Variants in ZNF738 observed in about 807,000 individuals in gnomAD.
The protein encoded by ZNF738 is zinc finger protein 738, also known as protein ZNF738.
Under a neutral mutation model 9.2 loss-of-function variants are expected in ZNF738, and 10 were observed. That is an observed-to-expected ratio of 1.09 (90% CI 0.67 to 1.85). The LOEUF (loss-of-function observed/expected upper bound fraction) is 1.85, where lower values mean the gene tolerates loss of function less well. Ranked by LOEUF, ZNF738 falls within the 40% of genes most tolerant of loss-of-function variation. The probability of loss-of-function intolerance (pLI) is 0.00; values close to 1 mark genes in which losing one functional copy is unlikely to be tolerated. For synonymous variants in ZNF738, 113 were observed against 94.5 expected (o/e 1.20, Z -1.14); for missense variants, 346 against 283.6 (o/e 1.22, Z -1.58).
intron 2 of ZNF738, among the ~76,000 whole-genome samples, chr19:21,368,241 C>T (rs757876612): frequency 2.0e-5 from 3 of 152,186 alleles, no homozygotes; most frequent in Non-Finnish European, 4.4e-5. Context: ...TCCTCTTTGT[C>T]CTTTTATCCT....
At chr19:21,374,424 T>G (rs1486258974) in intron 2 of ZNF738, among the ~76,000 whole-genome samples, 6 of 152,270 alleles carry the variant, frequency 3.9e-5, no homozygotes, top group Non-Finnish European at 8.8e-5. Flanking sequence ...ATCTCAGTAA[T>G]GATGCTGTGT....
intron 4 of ZNF738, chr19:21,381,933 C>A: frequency 4.3e-6 from 1 of 234,662 alleles, no homozygotes; most frequent in Admixed American, 5.7e-5. Flanking sequence ...TTCACCATCC[C>A]AATGCCCCAG....
chr19:21,363,949 C>T (rs1005093015), intron 2 of ZNF738, among the ~76,000 whole-genome samples: 31 of 150,594 alleles, frequency 2.1e-4, no homozygotes, highest in African/African-American at 6.8e-4. Context: ...GTAATCCCAG[C>T]ACTTTGTGAG....
At chr19:21,363,219 G>A (rs1973722995) in intron 2 of ZNF738, among the ~76,000 whole-genome samples, 1 of 152,106 alleles carries the variant, frequency 6.6e-6, no homozygotes. Flanking sequence ...TCCCTTATAG[G>A]AATACTGTGT....
intron 1 of ZNF738, among the ~76,000 whole-genome samples, chr19:21,361,327 A>G (rs1195864447): frequency 6.8e-6 from 1 of 147,162 alleles, no homozygotes; most frequent in Non-Finnish European, 1.5e-5. Flanking sequence ...TTTAGTAGAG[A>G]CAGGGTTTCT....
Position 21,383,113 on chromosome 19 carries a change from A to C in ZNF738, c.567A>C (p.Leu189Phe), listed in dbSNP as rs1974025352. 8 of 1,529,120 alleles carry C rather than the reference A, an allele frequency of 5.2e-6. No homozygotes were observed. The highest frequency in any genetic ancestry group is 6.3e-6 in the Non-Finnish European group (7 of 1,107,780). 94.7% of individuals were successfully genotyped at this position (1,529,120 alleles called of 1,614,324 possible). A position where few individuals can be genotyped will look rare whatever the true frequency, so the allele number is the denominator to read the frequency against. The change falls in exon 5 of 5, where the codon TTA (leucine) becomes TTC (phenylalanine). Residue 189 changes from leucine to phenylalanine, a missense_variant. Coordinates refer to ENST00000683779, the MANE Select transcript of ZNF738 (RefSeq NM_001355237.2). Reference protein sequence around the residue: ...DKYVKVFHKFLNSNTHKTRHT... With the variant: ...DKYVKVFHKFFNSNTHKTRHT... ...ATGTGAAAGTCTTTCATAAATTTTTAAATTCAAATACACATAAGACAAGAC... is the reference window on the plus strand; with the variant it reads ...ATGTGAAAGTCTTTCATAAATTTTTCAATTCAAATACACATAAGACAAGAC...
intron 4 of ZNF738, among the ~76,000 whole-genome samples, chr19:21,382,450 G>A (rs969852920): frequency 6.6e-6 from 1 of 151,916 alleles, no homozygotes; most frequent in Non-Finnish European, 1.5e-5. Flanking sequence ...TGTTGGCCAG[G>A]ATGGTCTCAA....
At chr19:21,378,968 T>C (rs1973973724) in intron 4 of ZNF738, 1 of 152,272 alleles carries the variant, frequency 6.6e-6, no homozygotes, top group African/African-American at 2.4e-5. Context: ...TGCTTACATA[T>C]GTGTTTGATA....
rs959765813 is a variant in ZNF738, at chr19:21,361,690, A to T, written c.4-76A>T. 3 of 751,648 alleles carry T rather than the reference A, an allele frequency of 4.0e-6. No homozygotes were observed. The African/African-American group carries it at 5.1e-5, about 13-fold the overall frequency. 46.6% of individuals were successfully genotyped at this position (751,648 alleles called of 1,614,324 possible). On this transcript the variant is annotated intron_variant, in intron 1 of 4. Transcript: ENST00000683779. ...TGGGTTTCAGTATTATCTGGGGATA[A>T]ACCGAGATATCTGCCATGGTTATGT...
intron 2 of ZNF738, chr19:21,371,914 T>C (rs1407781773): frequency 1.3e-5 from 2 of 152,192 alleles, no homozygotes; most frequent in African/African-American, 4.8e-5. Context: ...AATAGATTAG[T>C]GTTACATAAA....
intron 2 of ZNF738, among the ~76,000 whole-genome samples, chr19:21,371,243 G>C (rs1373579374): frequency 5.9e-5 from 9 of 152,318 alleles, no homozygotes; most frequent in South Asian, 4.1e-4. Flanking sequence ...TTTCTATTTA[G>C]AATCAGCCTG....
chr19:21,383,005 G>A lies in ZNF738; in HGVS notation c.459G>A (p.Glu153=). The A allele has an allele frequency of 1.4e-6, 1 of 736,036 alleles. No homozygotes were observed. The highest frequency in any genetic ancestry group is 2.5e-6 in the Non-Finnish European group (1 of 401,390). The allele number at this position is 736,036 out of a possible 1,614,324, so 45.6% of individuals were successfully genotyped here. Residue 153 remains glutamate, a synonymous_variant, in exon 5 of 5, where the codon GAG becomes GAA. Transcript: ENST00000683779. ...GAAAAGGCTGTAAAAGTGTGAATGAGTGTAATGTGCAAAAAGAAGGTTATA... is the reference window on the plus strand; with the variant it reads ...GAAAAGGCTGTAAAAGTGTGAATGAATGTAATGTGCAAAAAGAAGGTTATA... The part of the protein sequence containing the change: ...QLRKGCKSVN[E]CNVQKEGYNE...
chr19:21,370,115 T>G (rs1169006252), intron 2 of ZNF738, among the ~76,000 whole-genome samples: 2 of 152,218 alleles, frequency 1.3e-5, no homozygotes, highest in East Asian at 3.9e-4. Flanking sequence ...CCCATAATGG[T>G]TGAAAGCTTT....
At chr19:21,377,205 G>A (rs939455069) in intron 4 of ZNF738, among the ~76,000 whole-genome samples, 4 of 152,000 alleles carry the variant, frequency 2.6e-5, no homozygotes, top group African/African-American at 9.7e-5. Flanking sequence ...TACTCAGGAG[G>A]CGGAGGCAGA....
At chr19:21,368,876 A>T (rs1224319473) in intron 2 of ZNF738, among the ~76,000 whole-genome samples, 1 of 152,190 alleles carries the variant, frequency 6.6e-6, no homozygotes, top group Non-Finnish European at 1.5e-5. Context: ...AGCTGGGATT[A>T]CAGATACTTG....
chr19:21,384,130 C>T lies in ZNF738; in HGVS notation c.*456C>T. 6.8e-7 allele frequency: 1 copy of T among 1,468,404 alleles called. No homozygotes were observed. The highest frequency in any genetic ancestry group is 1.1e-5 in the South Asian group (1 of 88,204). 91.0% of individuals were successfully genotyped at this position (1,468,404 alleles called of 1,614,324 possible). On this transcript the variant is annotated 3_prime_UTR_variant, in exon 5 of 5. Transcript: ENST00000683779. ...TTCTACCGATTATCTTATCTTACTA[C>T]ACATAAGATGATTCATACTGTAGAG... is the stretch of plus-strand genomic sequence containing the variant.
intron 2 of ZNF738, among the ~76,000 whole-genome samples, chr19:21,364,589 G>T (rs1973749838): frequency 6.6e-6 from 1 of 151,952 alleles, no homozygotes; most frequent in Non-Finnish European, 1.5e-5. Flanking sequence ...CCCAAGAGAG[G>T]GTCCTTGGAT....
chr19:21,382,021 T>C (rs1974011170), intron 4 of ZNF738: 1 of 178,778 alleles, frequency 5.6e-6, no homozygotes, highest in Admixed American at 6.3e-5. Flanking sequence ...TTTTTTAAAA[T>C]ACATATATAA....
chr19:21,382,941 G>A lies in ZNF738; in HGVS notation c.395G>A (p.Arg132Lys), dbSNP rs1024555121. 1.9e-4 allele frequency: 114 copies of A among 603,148 alleles called. No individual in the cohort carries two copies. Among genetic ancestry groups the A allele is most frequent in the Middle Eastern group, 8.3e-4 (3 of 3,610 alleles). 37.4% of individuals were successfully genotyped at this position (603,148 alleles called of 1,614,324 possible). A position where few individuals can be genotyped will look rare whatever the true frequency, so the allele number is the denominator to read the frequency against. ...GATTCTTTCCAAAAAGTGATACTGA[G>A]AGAATATGGAAATTATGGACATAAA... is the stretch of plus-strand genomic sequence containing the variant. ...IKDSFQKVIL[R>K]EYGNYGHKDL... The change falls in exon 5 of 5, where the codon AGA (arginine) becomes AAA (lysine). Residue 132 changes from arginine (R) to lysine (K), a missense_variant. Arg to Lys is a conservative substitution (Grantham distance 26, BLOSUM62 2). Coordinates refer to ENST00000683779, the MANE Select transcript of ZNF738 (RefSeq NM_001355237.2).
Sources: gnomAD v4.1 joint callset for allele counts (sites outside exome capture counted in the v4.1 genomes callset) on GRCh38, gnomAD v4.1.1 for gene constraint, MANE v1.5 for transcripts, NCBI Gene and HGNC (gene_info 2026-07-23, HGNC 2026-07-21) for gene names.